ADAM22: variants seen among roughly 807,000 people sequenced by gnomAD.
The protein encoded by ADAM22 is disintegrin and metalloproteinase domain-containing protein 22.
In ADAM22, 65 loss-of-function variants were observed where a neutral mutation model predicts 144.6. That is an observed-to-expected ratio of 0.45 (90% CI 0.37 to 0.55). The LOEUF (loss-of-function observed/expected upper bound fraction) is 0.55. Ranked by LOEUF, ADAM22 falls within the 20% of genes least tolerant of loss-of-function variation. ADAM22 has a pLI of 0.00. For synonymous variants in ADAM22, 391 were observed against 412.6 expected (o/e 0.95, Z 0.63); for missense variants, 974 against 1,184.9 (o/e 0.82, Z 2.61).
chr7:87,948,257 T>C (rs1287729600), intron 2 of ADAM22, among the ~76,000 whole-genome samples: 1 of 152,224 alleles, frequency 6.6e-6, no homozygotes, highest in East Asian at 1.9e-4. Flanking sequence ...TTACATTCAG[T>C]GTTGGGAACC....
intron 3 of ADAM22, among the ~76,000 whole-genome samples, chr7:87,984,454 A>AT (rs1006937178): frequency 8.5e-5 from 13 of 152,174 alleles, no homozygotes; most frequent in Non-Finnish European, 1.5e-4. Flanking sequence ...TTGATAAATA[A>AT]TTTTTTTGAT....
chr7:87,966,534 T>C (rs1020231094), intron 2 of ADAM22, among the ~76,000 whole-genome samples: 1 of 151,894 alleles, frequency 6.6e-6, no homozygotes, highest in Non-Finnish European at 1.5e-5. Context: ...GATGAGAAAA[T>C]AGGAGCTGGT....
At chr7:88,032,866 C>G (rs1288631117) in intron 3 of ADAM22, among the ~76,000 whole-genome samples, 4 of 152,166 alleles carry the variant, frequency 2.6e-5, no homozygotes, top group Admixed American at 2.6e-4. Context: ...CTCTCTCTTG[C>G]TAGCCATATG....
At chr7:88,057,882 T>G (rs1253422696) in intron 3 of ADAM22, among the ~76,000 whole-genome samples, 1 of 152,236 alleles carries the variant, frequency 6.6e-6, no homozygotes, top group African/African-American at 2.4e-5. Context: ...TACTCTTTGG[T>G]GCCTGTTTCA....
At chr7:87,986,307 A>G (rs1788467122) in intron 3 of ADAM22, among the ~76,000 whole-genome samples, 1 of 152,152 alleles carries the variant, frequency 6.6e-6, no homozygotes. Flanking sequence ...CACAGACACA[A>G]AGTCTCTTGT....
At chr7:87,952,353 G>T (rs1367996783) in intron 2 of ADAM22, among the ~76,000 whole-genome samples, 1 of 151,836 alleles carries the variant, frequency 6.6e-6, no homozygotes, top group Non-Finnish European at 1.5e-5. Flanking sequence ...TAGCATGAAG[G>T]GCTGTTGAAT....
intron 3 of ADAM22, among the ~76,000 whole-genome samples, chr7:88,074,184 G>A (rs939729854): frequency 6.6e-6 from 1 of 152,056 alleles, no homozygotes; most frequent in Non-Finnish European, 1.5e-5. Context: ...ACCCCCTCAT[G>A]AATATTAAGT....
chr7:88,015,960 A>G (rs1796464912), intron 3 of ADAM22, among the ~76,000 whole-genome samples: 1 of 151,926 alleles, frequency 6.6e-6, no homozygotes, highest in South Asian at 2.1e-4. Flanking sequence ...ATTTTTCTTC[A>G]TATAACAAAT....
chr7:88,080,641 C>T (rs1034815128), intron 4 of ADAM22, among the ~76,000 whole-genome samples: 28 of 151,784 alleles, frequency 1.8e-4, no homozygotes, highest in Admixed American at 1.3e-4. Context: ...ATCAAATAGA[C>T]GCAATAAAAA....
chr7:88,081,652 A>G (rs1478181266), intron 4 of ADAM22, among the ~76,000 whole-genome samples: 3 of 144,152 alleles, frequency 2.1e-5, no homozygotes, highest in Non-Finnish European at 4.5e-5. Flanking sequence ...GTCTCAGGAT[A>G]CAAAATCAAT....
Position 87,974,258 on chromosome 7 carries a change from C to T in ADAM22, c.247-4078C>T, listed in dbSNP as rs541056638. Among the ~76,000 whole-genome samples, 88 of 147,382 alleles carry T rather than the reference C, an allele frequency of 6.0e-4. No individual in the cohort carries two copies. In the South Asian group the frequency reaches 9.9e-3, roughly 17 times the overall value. ...GGCAGAGCTTGCAGTGAGCCGAGATCGTGCCACTGCCCTCCAGCCTGGGCG... is the reference window on the plus strand; with the variant it reads ...GGCAGAGCTTGCAGTGAGCCGAGATTGTGCCACTGCCCTCCAGCCTGGGCG... On this transcript the variant is annotated intron_variant, in intron 2 of 31. Transcript: ENST00000413139.
chr7:88,001,876 G>A (rs1176114283), intron 3 of ADAM22, among the ~76,000 whole-genome samples: 1 of 151,904 alleles, frequency 6.6e-6, no homozygotes, highest in Non-Finnish European at 1.5e-5. Context: ...AGATTGAGTA[G>A]GGATATAAAA....
intron 2 of ADAM22, among the ~76,000 whole-genome samples, chr7:87,972,263 A>C: frequency 1.3e-5 from 2 of 152,064 alleles, no homozygotes; most frequent in Non-Finnish European, 2.9e-5. Context: ...ATGTACAAAA[A>C]TCACAAGCAT....
chr7:88,161,497 A>C (rs1030032341), intron 22 of ADAM22, among the ~76,000 whole-genome samples: 1 of 152,200 alleles, frequency 6.6e-6, no homozygotes, highest in Non-Finnish European at 1.5e-5. Flanking sequence ...GTGCTTCTGC[A>C]CAGCAAAAGT....
chr7:88,177,195 T>C (rs1051295259), intron 26 of ADAM22, among the ~76,000 whole-genome samples: 7 of 152,190 alleles, frequency 4.6e-5, no homozygotes, highest in African/African-American at 1.4e-4. Flanking sequence ...CATGGGATTC[T>C]TTTACAAATA....
intron 4 of ADAM22, among the ~76,000 whole-genome samples, chr7:88,092,292 C>T (rs1820082448): frequency 6.6e-6 from 1 of 152,144 alleles, no homozygotes; most frequent in Non-Finnish European, 1.5e-5. Flanking sequence ...CCCCCTACCT[C>T]TTTTACCCTC....
At chr7:88,192,058 G>A (rs988154690) in intron 30 of ADAM22, among the ~76,000 whole-genome samples, 5 of 152,182 alleles carry the variant, frequency 3.3e-5, no homozygotes, top group African/African-American at 1.2e-4. Context: ...TGCAGTGTAG[G>A]CAGTAGATCT....
chr7:88,091,406 A>G (rs926116328), intron 4 of ADAM22, among the ~76,000 whole-genome samples: 1 of 152,184 alleles, frequency 6.6e-6, no homozygotes, highest in East Asian at 1.9e-4. Flanking sequence ...GCTCACTTTA[A>G]CACCAGGGAT....
intron 3 of ADAM22, among the ~76,000 whole-genome samples, chr7:88,048,121 A>C (rs1805174479): frequency 6.6e-6 from 1 of 152,072 alleles, no homozygotes; most frequent in Non-Finnish European, 1.5e-5. Flanking sequence ...GAATCTGATA[A>C]TATTTGTGCT....
Sources: gnomAD v4.1 joint callset for allele counts (sites outside exome capture counted in the v4.1 genomes callset) on GRCh38, gnomAD v4.1.1 for gene constraint, MANE v1.5 for transcripts, NCBI Gene and HGNC (gene_info 2026-07-23, HGNC 2026-07-21) for gene names.